SSBP2: variants seen among roughly 807,000 people sequenced by gnomAD.
SSBP2 encodes the protein single-stranded DNA-binding protein 2.
Under a neutral mutation model 61.8 loss-of-function variants are expected in SSBP2, and 17 were observed. That is an observed-to-expected ratio of 0.28 (90% confidence interval 0.19 to 0.41). The LOEUF (loss-of-function observed/expected upper bound fraction) is 0.41. Among genes scored for constraint, SSBP2 ranks in the 10% least tolerant of loss-of-function variants. The pLI is 1.00. For missense variants in SSBP2, 310 were observed against 458.7 expected, an observed-to-expected ratio of 0.68 and a Z score of 2.96; for synonymous variants, 139 against 141.3, an observed-to-expected ratio of 0.98 and a Z score of 0.12.
intron 1 of SSBP2, among the ~76,000 whole-genome samples, chr5:81,742,380 G>A (rs772475233): frequency 6.6e-6 from 1 of 152,136 alleles, no homozygotes; most frequent in Non-Finnish European, 1.5e-5. Flanking sequence ...TAGGAGTATT[G>A]GGGAGAAAAT....
chr5:81,428,020 T>C (rs1180512337), intron 16 of SSBP2, among the ~76,000 whole-genome samples: 1 of 152,248 alleles, frequency 6.6e-6, no homozygotes, highest in African/African-American at 2.4e-5. Context: ...ATGTGGTAAG[T>C]GCTCAGTAAT....
intron 3 of SSBP2, among the ~76,000 whole-genome samples, chr5:81,620,622 AC>A (rs1474617241): frequency 2.2e-5 from 1 of 45,002 alleles, no homozygotes; most frequent in Non-Finnish European, 4.0e-5. Flanking sequence ...TTCATATGGA[AC>A]CAAAAAAGAG....
At chr5:81,584,716 A>G (rs1774931907) in intron 4 of SSBP2, among the ~76,000 whole-genome samples, 1 of 152,172 alleles carries the variant, frequency 6.6e-6, no homozygotes, top group Admixed American at 6.5e-5. Flanking sequence ...TCCTATGAAT[A>G]TTAAGTAAGG....
intron 1 of SSBP2, among the ~76,000 whole-genome samples, chr5:81,729,316 T>C (rs1394568116): frequency 6.6e-6 from 1 of 152,008 alleles, no homozygotes; most frequent in Non-Finnish European, 1.5e-5. Context: ...TTTAAAAAAA[T>C]ATAAAGAAAT....
chr5:81,722,296 T>C (rs963970811), intron 1 of SSBP2, among the ~76,000 whole-genome samples: 7 of 151,940 alleles, frequency 4.6e-5, no homozygotes, highest in East Asian at 1.9e-4. Context: ...ATAACTATAC[T>C]ACAACTCTCC....
At position 81,656,440 on chromosome 5, in the gene SSBP2, A is replaced by C. The variant is rs187591017; in HGVS notation, c.63-6101T>G. Among the ~76,000 whole-genome samples the C allele has an allele frequency of 2.4e-4, 36 of 152,344 alleles. No homozygotes were observed. The Middle Eastern group carries it at 0.01, about 43-fold the overall frequency. ...ATAAAATTAAAAAGCAATAAAGGAC[A>C]TAACATATAGCCTTATGTCAAGGCT... is the stretch of plus-strand genomic sequence containing the variant. On this transcript the variant is annotated intron_variant, in intron 1 of 16. Coordinates refer to ENST00000320672, the MANE Select transcript of SSBP2 (RefSeq NM_012446.5).
At position 81,615,564 on chromosome 5, in the gene SSBP2, A is replaced by T; in HGVS notation, c.198-7T>A. 1 of 1,597,002 alleles carries T rather than the reference A, an allele frequency of 6.3e-7. No homozygotes were observed. The highest frequency in any genetic ancestry group is 8.6e-7 in the Non-Finnish European group (1 of 1,166,388). On this transcript the variant is annotated splice_polypyrimidine_tract_variant and splice_region_variant and intron_variant, in intron 3 of 16. Transcript: ENST00000320672. Reference sequence around the variant, plus strand: ...GTAGAGATCCCAAAATACACTAAAAAAGTAATCATGGTAACATTAAGAAAA... The same window carrying T: ...GTAGAGATCCCAAAATACACTAAAATAGTAATCATGGTAACATTAAGAAAA...
intron 3 of SSBP2, among the ~76,000 whole-genome samples, chr5:81,634,442 A>G (rs1466372942): frequency 6.6e-6 from 1 of 152,202 alleles, no homozygotes; most frequent in African/African-American, 2.4e-5. Flanking sequence ...TACGAAATCA[A>G]GCTGCACCCT....
chr5:81,651,314 G>A (rs918082090), intron 1 of SSBP2, among the ~76,000 whole-genome samples: 4 of 151,942 alleles, frequency 2.6e-5, no homozygotes, highest in African/African-American at 7.3e-5. Context: ...GCAGATTTTC[G>A]ACTGTTAAAG....
chr5:81,687,993 A>AC (rs755833117), intron 1 of SSBP2, among the ~76,000 whole-genome samples: 21 of 152,244 alleles, frequency 1.4e-4, no homozygotes, highest in Middle Eastern at 3.4e-3. Context: ...ACAAAAGGGT[A>AC]CTTTGTCTTG....
chr5:81,460,916 A>G, intron 10 of SSBP2, 139 bp downstream of exon 10: 1 of 426,426 alleles, frequency 2.3e-6, no homozygotes, highest in Non-Finnish European at 4.0e-6. Context: ...TCTAAAATTT[A>G]TATTAAACTT....
At chr5:81,738,084 C>A (rs1448429725) in intron 1 of SSBP2, among the ~76,000 whole-genome samples, 1 of 152,074 alleles carries the variant, frequency 6.6e-6, no homozygotes, top group Non-Finnish European at 1.5e-5. Context: ...TCAAATGATA[C>A]AAGATGCAAA....
chr5:81,543,652 T>G (rs1771482454), intron 4 of SSBP2, among the ~76,000 whole-genome samples: 1 of 151,960 alleles, frequency 6.6e-6, no homozygotes, highest in Non-Finnish European at 1.5e-5. Flanking sequence ...CCTCTGAATC[T>G]AAAATAAAAG....
At chr5:81,443,922 G>A (rs1451657675) in intron 12 of SSBP2, among the ~76,000 whole-genome samples, 1 of 152,146 alleles carries the variant, frequency 6.6e-6, no homozygotes, top group Non-Finnish European at 1.5e-5. Flanking sequence ...GAGACAGAAG[G>A]TAAGTATCAT....
chr5:81,440,628 C>T lies in SSBP2; in HGVS notation c.858G>A (p.Met286Ile). ...CCATGGGACCATCTGACCCAGGACC[C>T]ATTGGAAACTATTTTAAAAATGAAG... Residue 286 changes from methionine to isoleucine, a missense_variant, in exon 14 of 17, where the codon ATG becomes ATA. Physicochemically the swap from Met to Ile is conservative, Grantham distance 10. Transcript: ENST00000320672. 1 of 1,597,824 alleles carries T rather than the reference C, an allele frequency of 6.3e-7. No homozygotes were observed. Among genetic ancestry groups the T allele is most frequent in the Non-Finnish European group, 8.5e-7 (1 of 1,174,816 alleles).
chr5:81,498,337 C>G (rs1458945731), intron 5 of SSBP2, among the ~76,000 whole-genome samples: 1 of 152,026 alleles, frequency 6.6e-6, no homozygotes, highest in African/African-American at 2.4e-5. Context: ...ATTATATTAA[C>G]TACGTATATA....
chr5:81,702,997 C>T (rs915355265), intron 1 of SSBP2, among the ~76,000 whole-genome samples: 2 of 152,156 alleles, frequency 1.3e-5, no homozygotes, highest in Non-Finnish European at 2.9e-5. Context: ...CTACAACAGA[C>T]AAGTTGGTCA....
At chr5:81,518,619 A>G (rs1769222083) in intron 4 of SSBP2, among the ~76,000 whole-genome samples, 3 of 152,150 alleles carry the variant, frequency 2.0e-5, no homozygotes. Context: ...TTATAGCAGC[A>G]CAGAATGAAC....
At chr5:81,597,550 C>T (rs2153543310) in intron 4 of SSBP2, among the ~76,000 whole-genome samples, 1 of 152,214 alleles carries the variant, frequency 6.6e-6, no homozygotes, top group African/African-American at 2.4e-5. Context: ...TATAAAGACA[C>T]ATGCACACGT....
Sources: gnomAD v4.1 joint callset for allele counts (sites outside exome capture counted in the v4.1 genomes callset) on GRCh38, gnomAD v4.1.1 for gene constraint, MANE v1.5 for transcripts, NCBI Gene and HGNC (gene_info 2026-07-23, HGNC 2026-07-21) for gene names.